Variants in GSDME observed in about 807,000 individuals in gnomAD.
GSDME encodes gasdermin-E.
GSDME carries 44 observed loss-of-function variants against 47.5 expected under a neutral mutation model. The ratio of observed to expected loss-of-function variants is 0.93; its 90% CI spans 0.73 to 1.19. The LOEUF is 1.19. Among genes scored for constraint, GSDME ranks in the 50% most tolerant of loss-of-function variants. The probability of loss-of-function intolerance (pLI) is 0.00; values close to 1 mark genes in which losing one functional copy is unlikely to be tolerated. For missense variants in GSDME, 663 were observed against 604.2 expected (o/e 1.10, Z -1.02); for synonymous variants, 258 against 252.8 (o/e 1.02, Z -0.20).
chr7:24,708,095 A>C, intron 7 of GSDME, 32 bp downstream of exon 7: 1 of 1,612,772 alleles, frequency 6.2e-7, no homozygotes, highest in Non-Finnish European at 8.5e-7. Flanking sequence ...AACCCCAGTG[A>C]AAACACTGCC....
chr7:24,768,350 C>T, the GSDME span, among the ~76,000 whole-genome samples: 1 of 152,020 alleles, frequency 6.6e-6, no homozygotes, highest in African/African-American at 2.4e-5. The surrounding 1 kb of genome is among the most constrained non-coding windows in gnomAD (Gnocchi z 5.6). Flanking sequence ...TAAGGGGAGC[C>T]AGGTGAAATG....
chr7:24,738,562 T>G (rs1286477757), intron 3 of GSDME, among the ~76,000 whole-genome samples: 4 of 152,126 alleles, frequency 2.6e-5, no homozygotes, highest in Admixed American at 2.6e-4. Context: ...TAATCTATAC[T>G]TTGTAGAGAT....
chr7:24,786,866 G>A, the GSDME span, among the ~76,000 whole-genome samples: 11 of 152,212 alleles, frequency 7.2e-5, no homozygotes, highest in Admixed American at 3.9e-4. This position sits in a 1 kb window ranked among gnomAD's most constrained non-coding sequence, Gnocchi z 5.5. Context: ...GTAGGCAGTC[G>A]GCTGTGGTCA....
At chr7:24,776,234 A>AGAGCTCCT in the GSDME span, among the ~76,000 whole-genome samples, 1 of 151,622 alleles carries the variant, frequency 6.6e-6, no homozygotes, top group South Asian at 2.1e-4. Flanking sequence ...GTGATATGGA[A>AGAGCTCCT]GAGCTCCTGG....
In GSDME at chr7:24,705,948, A is replaced by T. The variant is rs1191226913; in HGVS notation, c.1183+236T>A. 1.7e-6 allele frequency: 1 copy of T among 583,694 alleles called. No individual in the cohort carries two copies. Among genetic ancestry groups the T allele is most frequent in the Non-Finnish European group, 3.1e-6 (1 of 326,306 alleles). 36.2% of individuals were successfully genotyped at this position (583,694 alleles called of 1,614,324 possible). On this transcript the variant is annotated intron_variant, in intron 8 of 9. Coordinates refer to ENST00000645220, the MANE Select transcript of GSDME (RefSeq NM_001127453.2). The surrounding 1 kb of genome is among the most constrained non-coding windows in gnomAD (Gnocchi z 4.1). ...TGTGGCCTTCCCTGGGGGAGGAGGG[A>T]GAAGGGCCCTCCGGGAGAGTAGGGA...
In GSDME at chr7:24,705,203, ACT is replaced by A. The variant is rs1177394991; in HGVS notation, c.1183+979_1183+980del. 2 of 152,064 alleles carry A rather than the reference ACT, an allele frequency of 1.3e-5. No homozygotes were observed. Among genetic ancestry groups the A allele is most frequent in the African/African-American group, 4.8e-5 (2 of 41,374 alleles). 9.4% of individuals were successfully genotyped at this position (152,064 alleles called of 1,614,324 possible). Reference sequence around the variant, plus strand: ...CCTGACAGAATGCCTGTTCTGAAAGACTCTAATACCCGGATGTTAACATTGGG... The same window carrying A: ...CCTGACAGAATGCCTGTTCTGAAAGACTAATACCCGGATGTTAACATTGGG... On this transcript the variant is annotated intron_variant, in intron 8 of 9. Coordinates refer to ENST00000645220, the MANE Select transcript of GSDME (RefSeq NM_001127453.2). This position sits in a 1 kb window ranked among gnomAD's most constrained non-coding sequence, Gnocchi z 4.1.
the GSDME span, among the ~76,000 whole-genome samples, chr7:24,771,588 T>C: frequency 2.1e-4 from 32 of 152,294 alleles, 1 homozygote; most frequent in South Asian, 3.1e-3. This position sits in a 1 kb window ranked among gnomAD's most constrained non-coding sequence, Gnocchi z 4.1. Flanking sequence ...GCAAGTTGCC[T>C]GAGTTTTTGG....
rs969786760 is a variant in GSDME, at chr7:24,753,051, G to C, written c.-19-3258C>G. On this transcript the variant is annotated intron_variant, in intron 1 of 9. Coordinates refer to ENST00000645220, the MANE Select transcript of GSDME (RefSeq NM_001127453.2). ...ATTTGCCTTCTTGGCAGGGTAGGGT[G>C]CTTTAAGGAGAGTAACTGGAGGTGG... 2.0e-5 allele frequency among the ~76,000 whole-genome samples: 3 copies of C among 151,864 alleles called. No individual in the cohort carries two copies. The East Asian group carries it at 5.8e-4, about 29-fold the overall frequency.
the GSDME span, among the ~76,000 whole-genome samples, chr7:24,775,716 A>G: frequency 6.6e-6 from 1 of 151,796 alleles, no homozygotes; most frequent in Non-Finnish European, 1.5e-5. Context: ...CTATACTCAA[A>G]ATACAAAAAT....
At chr7:24,780,153 GCTGGCCCTTCTGGC>G in the GSDME span, among the ~76,000 whole-genome samples, 25 of 152,264 alleles carry the variant, frequency 1.6e-4, no homozygotes, top group African/African-American at 6.0e-4. This position sits in a 1 kb window ranked among gnomAD's most constrained non-coding sequence, Gnocchi z 4.1. Context: ...CGAGAAGTTG[GCTGGCCCTTCTGGC>G]AGGTCCCATG....
rs1790584516 is a variant in GSDME, at chr7:24,744,520, T to G, written c.404+42A>C. On this transcript the variant is annotated intron_variant, in intron 3 of 9. Coordinates refer to ENST00000645220, the MANE Select transcript of GSDME (RefSeq NM_001127453.2). This position sits in a 1 kb window ranked among gnomAD's most constrained non-coding sequence, Gnocchi z 4.5. The stretch of plus-strand genomic sequence containing the variant: ...GGTCCAACTGAATGACCTTTAAATG[T>G]GAGATGTGTCAAAATCCAAAATGCC... 2.6e-5 allele frequency: 41 copies of G among 1,601,914 alleles called. No individual in the cohort carries two copies. Among genetic ancestry groups the G allele is most frequent in the African/African-American group, 5.4e-5 (4 of 74,700 alleles).
At chr7:24,719,864 A>C (rs1789711216) in intron 3 of GSDME, among the ~76,000 whole-genome samples, 1 of 152,174 alleles carries the variant, frequency 6.6e-6, no homozygotes, top group African/African-American at 2.4e-5. Flanking sequence ...AGACCCTGGA[A>C]ACTCCACTTT....
At chr7:24,708,965 GAGATTTTATTTTTAA>G (rs934335083) in intron 6 of GSDME, among the ~76,000 whole-genome samples, 1 of 152,130 alleles carries the variant, frequency 6.6e-6, no homozygotes, top group Non-Finnish European at 1.5e-5. Flanking sequence ...AAGTCTAGTG[GAGATTTTATTTTTAA>G]AGATTTGATA....
In GSDME at chr7:24,728,140, G is replaced by A. The variant is rs1465717150; in HGVS notation, c.405-8922C>T. On this transcript the variant is annotated intron_variant, in intron 3 of 9. Transcript: ENST00000645220. The surrounding 1 kb of genome is among the most constrained non-coding windows in gnomAD (Gnocchi z 7.2). ...AATCGGGGGCAATTCTGGCCAATGAGACCTGAGGAAAATCTGTTAGGGGTT... is the reference window on the plus strand; with the variant it reads ...AATCGGGGGCAATTCTGGCCAATGAAACCTGAGGAAAATCTGTTAGGGGTT... Among the ~76,000 whole-genome samples the A allele has an allele frequency of 6.6e-6, 1 of 152,172 alleles. No individual in the cohort carries two copies. The highest frequency in any genetic ancestry group is 2.4e-5 in the African/African-American group (1 of 41,430).
rs774008910 is a variant in GSDME at position 24,702,743 on chromosome 7, C to T, written c.1257+17G>A. Reference sequence around the variant, plus strand: ...CATTCCTATCCATTCTAAGGTCCCACCTGGGAGGTTGCTTACCAAGTGGCA... The same window carrying T: ...CATTCCTATCCATTCTAAGGTCCCATCTGGGAGGTTGCTTACCAAGTGGCA... On this transcript the variant is annotated intron_variant, in intron 9 of 9. Transcript: ENST00000645220. The T allele has an allele frequency of 1.2e-4, 197 of 1,611,418 alleles. No individual in the cohort carries two copies. The highest frequency in any genetic ancestry group is 1.6e-4 in the Non-Finnish European group (191 of 1,178,148).
chr7:24,786,831 T>TA, the GSDME span, among the ~76,000 whole-genome samples: 3 of 152,166 alleles, frequency 2.0e-5, no homozygotes, highest in Non-Finnish European at 4.4e-5. The surrounding 1 kb of genome is among the most constrained non-coding windows in gnomAD (Gnocchi z 5.5). Flanking sequence ...TTCATCACAA[T>TA]AAAAAAACAG....
the GSDME span, among the ~76,000 whole-genome samples, chr7:24,775,130 A>C: frequency 6.6e-6 from 1 of 152,188 alleles, no homozygotes; most frequent in Non-Finnish European, 1.5e-5. Context: ...CTTTCCCAAG[A>C]GGAATTCCAA....
chr7:24,699,320 A>G (rs1222537873), intron 9 of GSDME, 61 bp from the exon 10 acceptor site: 5 of 1,255,260 alleles, frequency 4.0e-6, no homozygotes, highest in South Asian at 3.7e-5. Context: ...CACATTGGAT[A>G]GTAATGCACT....
In GSDME at chr7:24,744,561, C is replaced by T; in HGVS notation, c.404+1G>A. 6.2e-7 allele frequency: 1 copy of T among 1,614,158 alleles called. No individual in the cohort carries two copies. Among genetic ancestry groups the T allele is most frequent in the South Asian group, 1.1e-5 (1 of 91,080 alleles). ...CCAAAATGCCAAACAAGTCTCCTTACCTCTCGGCAGAGTCTCTGATGAGCT... is the reference window on the plus strand; with the variant it reads ...CCAAAATGCCAAACAAGTCTCCTTATCTCTCGGCAGAGTCTCTGATGAGCT... On this transcript the variant is annotated splice_donor_variant, in intron 3 of 9. Transcript: ENST00000645220. LOFTEE classifies it high-confidence loss of function. This position sits in a 1 kb window ranked among gnomAD's most constrained non-coding sequence, Gnocchi z 4.5.
Sources: allele counts gnomAD v4.1 joint callset (sites outside exome capture counted in the v4.1 genomes callset), GRCh38; gene constraint gnomAD v4.1.1; non-coding constraint Gnocchi (gnomAD v3.1); transcripts MANE v1.5; gene names NCBI Gene and HGNC (gene_info 2026-07-23, HGNC 2026-07-21).